Variants in SWT1 observed in about 807,000 individuals in gnomAD.
SWT1 encodes the protein SWT1 RNA endoribonuclease homolog, also known as transcriptional protein SWT1.
A neutral mutation model predicts 107.3 loss-of-function variants in SWT1; 33 were observed. The observed-to-expected ratio is 0.31, with a 90% CI of 0.23 to 0.41. The LOEUF (loss-of-function observed/expected upper bound fraction) is 0.41, where lower values mean the gene tolerates loss of function less well. Among genes scored for constraint, SWT1 ranks in the 10% least tolerant of loss-of-function variants. The pLI is 1.00. For missense variants in SWT1, 898 were observed against 1,028.9 expected (o/e 0.87, Z 1.74); for synonymous variants, 345 against 348.3 (o/e 0.99, Z 0.11).
At chr1:185,200,644 G>A (rs968871135) in intron 10 of SWT1, among the ~76,000 whole-genome samples, 2 of 152,296 alleles carry the variant, frequency 1.3e-5, no homozygotes, top group Admixed American at 6.5e-5. Context: ...AGGGGCACCC[G>A]CCAGATGCCA....
At chr1:185,204,941 A>G (rs1658209849) in intron 12 of SWT1, 78 bp downstream of exon 12, 1 of 774,302 alleles carries the variant, frequency 1.3e-6, no homozygotes. Flanking sequence ...TATTACTTGT[A>G]TAAAATGCAT....
At chr1:185,212,853 TCA>T (rs1309981828) in intron 13 of SWT1, among the ~76,000 whole-genome samples, 4 of 151,088 alleles carry the variant, frequency 2.6e-5, no homozygotes, top group African/African-American at 9.8e-5. Context: ...ATGAGAAAAA[TCA>T]CAGTTTATGT....
chr1:185,195,977 G>T (rs1447121976), intron 10 of SWT1, among the ~76,000 whole-genome samples: 1 of 152,166 alleles, frequency 6.6e-6, no homozygotes, highest in Non-Finnish European at 1.5e-5. Flanking sequence ...CTTTTGCTGT[G>T]CAGAAGCTCT....
At chr1:185,235,077 A>G (rs1367583391) in intron 16 of SWT1, among the ~76,000 whole-genome samples, 2 of 152,210 alleles carry the variant, frequency 1.3e-5, no homozygotes, top group Admixed American at 6.5e-5. Context: ...TTAATAGCCT[A>G]CCAACCAAAA....
intron 16 of SWT1, among the ~76,000 whole-genome samples, chr1:185,236,645 G>A (rs1483321727): frequency 6.6e-6 from 1 of 152,164 alleles, no homozygotes; most frequent in Non-Finnish European, 1.5e-5. Context: ...ATACCATTCA[G>A]GACATAGGCA....
intron 13 of SWT1, among the ~76,000 whole-genome samples, chr1:185,214,281 C>T (rs952641867): frequency 2.0e-5 from 3 of 152,092 alleles, no homozygotes; most frequent in Non-Finnish European, 4.4e-5. Flanking sequence ...GCTGACAGAA[C>T]TCCTGAAATC....
At chr1:185,201,942 AT>A (rs1281230590) in intron 10 of SWT1, among the ~76,000 whole-genome samples, 1 of 151,276 alleles carries the variant, frequency 6.6e-6, no homozygotes. Context: ...CAAATAGTTA[AT>A]ATATTTTTTT....
At chr1:185,249,660 T>C (rs1661867943) in intron 16 of SWT1, among the ~76,000 whole-genome samples, 1 of 151,880 alleles carries the variant, frequency 6.6e-6, no homozygotes, top group African/African-American at 2.4e-5. Context: ...CACCCCATAC[T>C]TTGTAAATAC....
chr1:185,285,495 G>A (rs1664894578), intron 18 of SWT1, among the ~76,000 whole-genome samples: 1 of 152,124 alleles, frequency 6.6e-6, no homozygotes, highest in Non-Finnish European at 1.5e-5. Context: ...TCTGTAAGTT[G>A]TCTTCACTTT....
intron 16 of SWT1, among the ~76,000 whole-genome samples, chr1:185,253,824 G>A (rs1373635063): frequency 6.6e-6 from 1 of 151,498 alleles, no homozygotes; most frequent in Non-Finnish European, 1.5e-5. Flanking sequence ...TGTTGAATAG[G>A]AGTGGTGAGA....
intron 4 of SWT1, among the ~76,000 whole-genome samples, chr1:185,172,184 C>G (rs1571407878): frequency 6.6e-6 from 1 of 151,774 alleles, no homozygotes; most frequent in African/African-American, 2.4e-5. Context: ...TGACATTTTT[C>G]CCCTTTTTTT....
At chr1:185,228,200 T>TATATATATATACAC (rs1235462995) in intron 15 of SWT1, among the ~76,000 whole-genome samples, 13 of 145,004 alleles carry the variant, frequency 9.0e-5, no homozygotes, top group African/African-American at 3.2e-4. Context: ...CATATATATA[T>TATATATATATACAC]ACTCAGTATG....
Position 185,188,257 on chromosome 1 carries a change from T to C in SWT1, c.1430-2292T>C, listed in dbSNP as rs368604082. 7.9e-5 allele frequency among the ~76,000 whole-genome samples: 12 copies of C among 152,310 alleles called. No individual in the cohort carries two copies. The East Asian group carries it at 2.1e-3, about 27-fold the overall frequency. ...TAACTAAAGATTTCATGAATAGTCT[T>C]ACAGTTGATTTTTCTGCTCCATATA... On this transcript the variant is annotated intron_variant, in intron 9 of 18. Transcript: ENST00000367500.
At chr1:185,258,413 T>C (rs1662776724) in intron 16 of SWT1, among the ~76,000 whole-genome samples, 1 of 152,322 alleles carries the variant, frequency 6.6e-6, no homozygotes, top group African/African-American at 2.4e-5. Context: ...TATCATGCTT[T>C]ATTAGTTTTT....
At chr1:185,159,828 G>A (rs192622750) in intron 1 of SWT1, among the ~76,000 whole-genome samples, 5 of 152,148 alleles carry the variant, frequency 3.3e-5, no homozygotes, top group Non-Finnish European at 5.9e-5. Flanking sequence ...AGGTTCAAGC[G>A]ATTCACCTCC....
intron 3 of SWT1, 73 bp downstream of exon 3, chr1:185,166,725 T>C: frequency 1.0e-6 from 1 of 973,624 alleles, no homozygotes. Context: ...GTGATATAAA[T>C]TCCTCCTATA....
intron 18 of SWT1, among the ~76,000 whole-genome samples, chr1:185,277,814 C>CTT (rs372717086): frequency 6.8e-6 from 1 of 146,920 alleles, no homozygotes; most frequent in Non-Finnish European, 1.5e-5. Flanking sequence ...TAGTTCTCAT[C>CTT]TTTTTTTTTT....
chr1:185,255,247 G>A (rs555721159), intron 16 of SWT1, among the ~76,000 whole-genome samples: 1 of 151,458 alleles, frequency 6.6e-6, no homozygotes, highest in South Asian at 2.1e-4. Flanking sequence ...TGAAAAAAAT[G>A]TATATTCTGT....
At chr1:185,287,999 G>A (rs1665043446) in intron 18 of SWT1, among the ~76,000 whole-genome samples, 1 of 152,176 alleles carries the variant, frequency 6.6e-6, no homozygotes, top group Admixed American at 6.5e-5. Flanking sequence ...TCTAGTTACT[G>A]AAGGATATTT....
Sources: allele counts gnomAD v4.1 joint callset (sites outside exome capture counted in the v4.1 genomes callset), GRCh38; gene constraint gnomAD v4.1.1; transcripts MANE v1.5; gene names NCBI Gene and HGNC (gene_info 2026-07-23, HGNC 2026-07-21).